ENOX1: variants seen among roughly 807,000 people sequenced by gnomAD.
ENOX1 encodes ecto-NOX disulfide-thiol exchanger 1, also known as candidate growth-related and time keeping constitutive hydroquinone (NADH) oxidase.
Under a neutral mutation model 82.5 loss-of-function variants are expected in ENOX1, and 42 were observed. That is an observed-to-expected ratio of 0.51 (90% confidence interval 0.40 to 0.66). ENOX1 has a LOEUF of 0.66. Among genes scored for constraint, ENOX1 ranks in the 30% least tolerant of loss-of-function variants. The pLI is 0.00. For synonymous variants in ENOX1, 271 were observed against 282.2 expected (o/e 0.96, Z 0.40); for missense variants, 608 against 811.6 (o/e 0.75, Z 3.05).
intron 14 of ENOX1, among the ~76,000 whole-genome samples, chr13:43,247,850 TATATATATATATATATATATATATA>T (rs1566328764): frequency 0.076 from 167 of 2,188 alleles, 22 homozygotes; most frequent in African/African-American, 0.097. Flanking sequence ...TATATATATA[TATATATATATATATATATATATATA>T]TATATATATT....
At chr13:43,769,186 T>C (rs1372666999) in intron 1 of ENOX1, among the ~76,000 whole-genome samples, 2 of 152,172 alleles carry the variant, frequency 1.3e-5, no homozygotes, top group African/African-American at 4.8e-5. Context: ...TAGGATGACA[T>C]ATGCAACTGT....
rs919175212 is a variant in ENOX1, at chr13:43,491,131, T to A, written c.-218-6979A>T. Among the ~76,000 whole-genome samples, 5 of 152,124 alleles carry A rather than the reference T, an allele frequency of 3.3e-5. No individual in the cohort carries two copies. In the East Asian group the frequency reaches 9.7e-4, roughly 29 times the overall value. Reference sequence around the variant, plus strand: ...GCTTACTATCATGGTGGAAGGCAAATGGGAGCAGGTCCATCACATGATGAC... The same window carrying A: ...GCTTACTATCATGGTGGAAGGCAAAAGGGAGCAGGTCCATCACATGATGAC... On this transcript the variant is annotated intron_variant, in intron 2 of 16. Coordinates refer to ENST00000690772, the MANE Select transcript of ENOX1 (RefSeq NM_001347969.2).
At position 43,484,226 on chromosome 13, in the gene ENOX1, C is replaced by T. The variant is rs1006524635; in HGVS notation, c.-218-74G>A. 4.4e-5 allele frequency: 36 copies of T among 811,954 alleles called. No homozygotes were observed. In the African/African-American group the frequency reaches 6.3e-4, roughly 14 times the overall value. The allele number at this position is 811,954 out of a possible 1,614,324, so 50.3% of individuals were successfully genotyped here. Reference sequence around the variant, plus strand: ...ACTGCCTGTAATGGTATTATTATCACTTATATGTGTTATCAGCATGATGTT... The same window carrying T: ...ACTGCCTGTAATGGTATTATTATCATTTATATGTGTTATCAGCATGATGTT... On this transcript the variant is annotated intron_variant, in intron 2 of 16. Transcript: ENST00000690772.
At chr13:43,355,473 G>A (rs1052751842) in intron 8 of ENOX1, among the ~76,000 whole-genome samples, 2 of 152,180 alleles carry the variant, frequency 1.3e-5, no homozygotes, top group African/African-American at 4.8e-5. Flanking sequence ...GAAGGCTTTA[G>A]GAGTCTGGTA....
chr13:43,256,068 G>C (rs948729672), intron 14 of ENOX1, among the ~76,000 whole-genome samples: 1 of 152,142 alleles, frequency 6.6e-6, no homozygotes, highest in Non-Finnish European at 1.5e-5. Context: ...GGAAAGGACA[G>C]TCTTTTCAAT....
chr13:43,327,889 A>G, intron 9 of ENOX1, among the ~76,000 whole-genome samples: 1 of 152,200 alleles, frequency 6.6e-6, no homozygotes, highest in Non-Finnish European at 1.5e-5. Flanking sequence ...TTCTCAATCT[A>G]TGGCTGATTT....
At chr13:43,705,470 T>TA (rs1566800677) in intron 1 of ENOX1, among the ~76,000 whole-genome samples, 1 of 150,932 alleles carries the variant, frequency 6.6e-6, no homozygotes, top group Admixed American at 6.6e-5. Context: ...TATGCAAGTT[T>TA]AAAAAAAAGA....
At chr13:43,594,657 A>G (rs2081384912) in intron 2 of ENOX1, among the ~76,000 whole-genome samples, 1 of 152,166 alleles carries the variant, frequency 6.6e-6, no homozygotes, top group South Asian at 2.1e-4. Flanking sequence ...TATTATCTCC[A>G]TTTTGTAAGT....
intron 2 of ENOX1, chr13:43,543,928 T>C (rs2078860923): frequency 7.3e-6 from 1 of 136,224 alleles, no homozygotes; most frequent in Admixed American, 7.4e-5. Flanking sequence ...TTTTTTTTTT[T>C]TTTTTGGATA....
At chr13:43,705,305 A>ACTCT (rs33978402) in intron 1 of ENOX1, among the ~76,000 whole-genome samples, 5,692 of 132,476 alleles carry the variant, frequency 0.043, 187 homozygotes, top group South Asian at 0.11. Flanking sequence ...ACAAACAACA[A>ACTCT]CTCTCTCTCT....
At chr13:43,276,981 C>T (rs1490461056) in intron 12 of ENOX1, among the ~76,000 whole-genome samples, 2 of 152,160 alleles carry the variant, frequency 1.3e-5, no homozygotes, top group Non-Finnish European at 2.9e-5. Context: ...GTATCCAAGC[C>T]TATGGCCAGT....
At chr13:43,285,136 G>C (rs1413521254) in intron 12 of ENOX1, among the ~76,000 whole-genome samples, 2 of 152,140 alleles carry the variant, frequency 1.3e-5, no homozygotes, top group Non-Finnish European at 2.9e-5. Context: ...GACTATTCAG[G>C]GTGCTTTGTT....
chr13:43,263,857 T>A (rs1566369269), intron 14 of ENOX1, among the ~76,000 whole-genome samples: 1 of 152,224 alleles, frequency 6.6e-6, no homozygotes, highest in Non-Finnish European at 1.5e-5. Context: ...TGGTTGAGAA[T>A]GTGGCAGCCT....
At chr13:43,492,297 C>G (rs955323963) in intron 2 of ENOX1, among the ~76,000 whole-genome samples, 3 of 152,170 alleles carry the variant, frequency 2.0e-5, no homozygotes, top group Admixed American at 1.3e-4. Context: ...GAGATGACTA[C>G]AGGCCTGGCC....
At chr13:43,657,084 C>G (rs1332061012) in intron 2 of ENOX1, among the ~76,000 whole-genome samples, 2 of 152,122 alleles carry the variant, frequency 1.3e-5, no homozygotes, top group Non-Finnish European at 2.9e-5. Context: ...AGACCATAGT[C>G]CACAGTTGTA....
At chr13:43,405,661 G>C (rs1226470469) in intron 5 of ENOX1, among the ~76,000 whole-genome samples, 1 of 152,084 alleles carries the variant, frequency 6.6e-6, no homozygotes, top group African/African-American at 2.4e-5. Context: ...CCATTCCTGT[G>C]GTTTCTACAA....
At chr13:43,719,308 C>CACACACACAG (rs1242987646) in intron 1 of ENOX1, among the ~76,000 whole-genome samples, 1 of 120,682 alleles carries the variant, frequency 8.3e-6, no homozygotes, top group East Asian at 2.2e-4. Flanking sequence ...CAAATACACA[C>CACACACACAG]ACACACACAC....
intron 5 of ENOX1, among the ~76,000 whole-genome samples, chr13:43,381,003 T>C (rs182120429): frequency 5.9e-5 from 9 of 151,930 alleles, no homozygotes; most frequent in Admixed American, 5.9e-4. Flanking sequence ...CTAGAACAAG[T>C]ACATAGAAAA....
At chr13:43,728,402 T>C (rs936984667) in intron 1 of ENOX1, among the ~76,000 whole-genome samples, 1 of 152,214 alleles carries the variant, frequency 6.6e-6, no homozygotes, top group African/African-American at 2.4e-5. Flanking sequence ...ATCATACCCA[T>C]TTTCCAGGCC....
Sources: allele counts gnomAD v4.1 joint callset (sites outside exome capture counted in the v4.1 genomes callset), GRCh38; gene constraint gnomAD v4.1.1; transcripts MANE v1.5; gene names NCBI Gene and HGNC (gene_info 2026-07-23, HGNC 2026-07-21).